UNC45A: variants seen among roughly 807,000 people sequenced by gnomAD.
UNC45A encodes the protein unc-45 myosin chaperone A.
UNC45A carries 78 observed loss-of-function variants against 103.2 expected under a neutral mutation model. The ratio of observed to expected loss-of-function variants is 0.76; its 90% CI spans 0.63 to 0.91. The LOEUF is 0.91. Ranked by LOEUF, UNC45A falls within the 40% of genes least tolerant of loss-of-function variation. The pLI, the probability that UNC45A is intolerant of heterozygous loss-of-function variation, is 0.00. For synonymous variants in UNC45A, 495 were observed against 504.6 expected (o/e 0.98, Z 0.25); for missense variants, 1,193 against 1,224.8 (o/e 0.97, Z 0.39).
Position 90,948,732 on chromosome 15 carries a change from G to T in UNC45A, c.1816G>T (p.Asp606Tyr). ...CAACAGCTATGACTACGAGGAGCCC[G>T]ACCCCAAGATGGTGGAGCTGGCCAA... ...CTNSYDYEEP[D>Y]PKMVELAKYA... Residue 606 changes from aspartate (D) to tyrosine (Y), a missense_variant, in exon 13 of 20, where the codon GAC becomes TAC. Transcript: ENST00000418476. The T allele has an allele frequency of 6.2e-7, 1 of 1,613,926 alleles. No homozygotes were observed. Among genetic ancestry groups the T allele is most frequent in the South Asian group, 1.1e-5 (1 of 91,048 alleles).
At chr15:90,943,118 G>C (rs376011188) in intron 8 of UNC45A, 36 bp downstream of exon 8, 8 of 1,570,296 alleles carry the variant, frequency 5.1e-6, no homozygotes, top group East Asian at 4.6e-5. Context: ...TGCTTCAGCA[G>C]CTGAAGTTTG....
chr15:90,953,522 CG>C lies in UNC45A; in HGVS notation c.2645del (p.Gly882ValfsTer6). The C allele has an allele frequency of 6.2e-7, 1 of 1,614,112 alleles. No individual in the cohort carries two copies. The highest frequency in any genetic ancestry group is 1.1e-5 in the South Asian group (1 of 91,080). ...GAGCTCCAACCAGGAGCTGCAGCAC[CG>C]GGGTGCTGTGGTGGTGCTGAACATG... ...LLSSNQELQH[R>X]GAVVVLNMVE... is the part of the protein sequence containing the mutation. On this transcript the variant is annotated frameshift_variant, in exon 20 of 20. Coordinates refer to ENST00000418476, the MANE Select transcript of UNC45A (RefSeq NM_018671.5). LOFTEE classifies it high-confidence loss of function.
intron 10 of UNC45A, 44 bp downstream of exon 10, chr15:90,946,958 G>A: frequency 6.4e-7 from 1 of 1,569,664 alleles, no homozygotes; most frequent in Non-Finnish European, 8.7e-7. Context: ...AGCCAGGCAG[G>A]GGTCCTGGTC....
upstream of UNC45A, chr15:90,932,108 C>A (rs771775211): frequency 6.3e-7 from 1 of 1,592,356 alleles, no homozygotes; most frequent in Admixed American, 1.7e-5. Context: ...ATCCGTGCCA[C>A]ACCTGACGGG....
At position 90,950,741 on chromosome 15, in the gene UNC45A, C is replaced by T. The variant is rs574697913; in HGVS notation, c.2303+126C>T. On this transcript the variant is annotated intron_variant, in intron 17 of 19. Transcript: ENST00000418476. The stretch of plus-strand genomic sequence containing the variant: ...TCTGTGAGCCTCACAGTGACTGCTC[C>T]GCATCATTAGAGAGGAGGCGACAGG... 144 of 946,492 alleles carry T rather than the reference C, an allele frequency of 1.5e-4. 2 individuals are homozygous for T. The South Asian group carries it at 2.0e-3, about 13-fold the overall frequency. 58.6% of individuals were successfully genotyped at this position (946,492 alleles called of 1,614,324 possible). A position where few individuals can be genotyped will look rare whatever the true frequency, so the allele number is the denominator to read the frequency against.
At position 90,953,821 on chromosome 15, in the gene UNC45A, T is replaced by C. The variant is rs1308066830; in HGVS notation, c.*105T>C. 10 of 1,470,696 alleles carry C rather than the reference T, an allele frequency of 6.8e-6. No homozygotes were observed. The highest frequency in any genetic ancestry group is 9.2e-6 in the Non-Finnish European group (10 of 1,092,004). 91.1% of individuals were successfully genotyped at this position (1,470,696 alleles called of 1,614,324 possible). A position where few individuals can be genotyped will look rare whatever the true frequency, so the allele number is the denominator to read the frequency against. The stretch of plus-strand genomic sequence containing the variant: ...TGGTGGTGGCTGGCATGCCCAATAC[T>C]CTTGCCCATCCTCGCTTGCTGCCCT... On this transcript the variant is annotated 3_prime_UTR_variant, in exon 20 of 20. Transcript: ENST00000418476.
upstream of UNC45A, chr15:90,932,266 G>T: frequency 1.1e-6 from 1 of 874,586 alleles, no homozygotes; most frequent in East Asian, 2.7e-5. Context: ...CCGACAAAGG[G>T]AACGATCATG....
At chr15:90,932,296 T>A, upstream of UNC45A, 1 of 824,480 alleles carries the variant, frequency 1.2e-6, no homozygotes, top group Middle Eastern at 3.4e-4. Context: ...CCAATTGTTA[T>A]GAGGCTTAAA....
At chr15:90,945,757 C>G (rs2036532195) in intron 9 of UNC45A, among the ~76,000 whole-genome samples, 1 of 151,476 alleles carries the variant, frequency 6.6e-6, no homozygotes, top group African/African-American at 2.4e-5. Flanking sequence ...CTCAGCTTCC[C>G]AAGTAGCTGG....
chr15:90,935,444 C>T, intron 1 of UNC45A, 69 bp downstream of exon 1: 1 of 1,577,964 alleles, frequency 6.3e-7, no homozygotes, highest in Non-Finnish European at 8.6e-7. Context: ...TCCTTCTCCC[C>T]ATCCATGAGG....
upstream of UNC45A, chr15:90,934,197 G>T: frequency 2.5e-6 from 1 of 399,594 alleles, no homozygotes. Context: ...GGCTATTCCT[G>T]GGAACTGGAA....
intron 9 of UNC45A, 86 bp from the exon 10 acceptor site, chr15:90,946,528 G>A: frequency 2.1e-6 from 3 of 1,427,186 alleles, no homozygotes; most frequent in Non-Finnish European, 2.8e-6. Flanking sequence ...AGTAGTGCAG[G>A]TGCCTGGCCA....
chr15:90,950,596 G>T lies in UNC45A; in HGVS notation c.2284G>T (p.Gly762Trp), dbSNP rs774602064. 1 of 1,614,038 alleles carries T rather than the reference G, an allele frequency of 6.2e-7. No individual in the cohort carries two copies. The highest frequency in any genetic ancestry group is 1.3e-5 in the African/African-American group (1 of 74,946). ...GCTCATGGCCCTAACAAACCTGGCT[G>T]GGATCAGCGAGAGGCTCCGGTAAGG... ...EALMALTNLA[G>W]ISERLRQKIL... is the part of the protein sequence containing the mutation. The change falls in exon 17 of 20, where the codon GGG becomes TGG. Residue 762 changes from glycine (G) to tryptophan (W), a missense_variant. Coordinates refer to ENST00000418476, the MANE Select transcript of UNC45A (RefSeq NM_018671.5).
chr15:90,953,276 T>C lies in UNC45A; in HGVS notation c.2543T>C (p.Met848Thr), dbSNP rs1437594341. Residue 848 changes from methionine to threonine, a missense_variant, in exon 19 of 20, where the codon ATG becomes ACG. Transcript: ENST00000418476. ...GGGGGCTTGGCCATGCTTACCTCCA[T>C]GCGGCCCACGCTCTGCAGCCGCATT... Reference protein sequence around the residue: ...AAGGLAMLTSMRPTLCSRIPQ... With the variant: ...AAGGLAMLTSTRPTLCSRIPQ... 8.1e-6 allele frequency: 13 copies of C among 1,612,566 alleles called. No individual in the cohort carries two copies. Among genetic ancestry groups the C allele is most frequent in the Non-Finnish European group, 1.1e-5 (13 of 1,179,724 alleles).
At chr15:90,934,444 A>T (rs1056140945), upstream of UNC45A, 3 of 398,816 alleles carry the variant, frequency 7.5e-6, no homozygotes, top group Non-Finnish European at 1.3e-5. Context: ...GAGGAAGCCT[A>T]CTGCTGCCAC....
At chr15:90,935,041 A>C, upstream of UNC45A, 1 of 564,660 alleles carries the variant, frequency 1.8e-6, no homozygotes, top group Non-Finnish European at 3.1e-6. Context: ...TCGGGGCCGG[A>C]GTCTGGGCTG....
Position 90,937,573 on chromosome 15 carries a change from G to A in UNC45A, c.426+1113G>A, listed in dbSNP as rs528093414. ...GCGAACTTGGCTCACTGCAACCTCTGCCTCCCAGGTTCAAGTGAGTCTCCT... is the reference window on the plus strand; with the variant it reads ...GCGAACTTGGCTCACTGCAACCTCTACCTCCCAGGTTCAAGTGAGTCTCCT... On this transcript the variant is annotated intron_variant, in intron 4 of 19. Transcript: ENST00000418476. 3.4e-5 allele frequency among the ~76,000 whole-genome samples: 5 copies of A among 148,644 alleles called. No individual in the cohort carries two copies. The South Asian group carries it at 1.1e-3, about 31-fold the overall frequency.
In UNC45A at chr15:90,948,164, G is replaced by A. The variant is rs1376570243; in HGVS notation, c.1618G>A (p.Asp540Asn). 10 of 1,613,988 alleles carry A rather than the reference G, an allele frequency of 6.2e-6. No homozygotes were observed. In the African/African-American group the frequency reaches 9.3e-5, roughly 15 times the overall value. ...CRKWLCNDQI[D>N]AGTRRWAVEG... ...CAGGTGGCTGTGCAATGACCAGATC[G>A]ACGCAGGCACTCGGCGCTGGGCAGT... The change falls in exon 12 of 20, where the codon GAC (aspartate) becomes AAC (asparagine). Residue 540 changes from aspartate to asparagine, a missense_variant. Transcript: ENST00000418476.
At chr15:90,931,847 A>G (rs767405507), upstream of UNC45A, 1 of 1,613,848 alleles carries the variant, frequency 6.2e-7, no homozygotes, top group Non-Finnish European at 8.5e-7. Flanking sequence ...GTCATCTGTT[A>G]CCTCCTCCAC....
Sources: gnomAD v4.1 joint callset for allele counts (sites outside exome capture counted in the v4.1 genomes callset) on GRCh38, gnomAD v4.1.1 for gene constraint, MANE v1.5 for transcripts, NCBI Gene and HGNC (gene_info 2026-07-23, HGNC 2026-07-21) for gene names.